ZBTB7C: variants seen among roughly 807,000 people sequenced by gnomAD.
ZBTB7C encodes zinc finger and BTB domain-containing protein 7C.
Under a neutral mutation model 25.7 loss-of-function variants are expected in ZBTB7C, and 8 were observed. The observed-to-expected ratio is 0.31, with a 90% CI of 0.18 to 0.56. The LOEUF (loss-of-function observed/expected upper bound fraction) is 0.56. ZBTB7C is among the 20% of genes least tolerant of loss of function. ZBTB7C has a pLI of 0.91. For synonymous variants in ZBTB7C, 394 were observed against 369.0 expected (o/e 1.07, Z -0.78); for missense variants, 824 against 855.2 (o/e 0.96, Z 0.46).
At chr18:48,187,250 C>A (rs2042078020) in intron 2 of ZBTB7C, among the ~76,000 whole-genome samples, 1 of 152,208 alleles carries the variant, frequency 6.6e-6, no homozygotes, top group Non-Finnish European at 1.5e-5. Flanking sequence ...GGGCAGATAT[C>A]TGTACATCCA....
chr18:48,371,654 G>A (rs780571099), intron 1 of ZBTB7C, among the ~76,000 whole-genome samples: 13 of 152,212 alleles, frequency 8.5e-5, no homozygotes, highest in Non-Finnish European at 1.8e-4. Flanking sequence ...TGAGAGCATG[G>A]CCAGGCACCA....
At chr18:48,126,389 C>T (rs1010957121) in intron 3 of ZBTB7C, among the ~76,000 whole-genome samples, 3 of 152,180 alleles carry the variant, frequency 2.0e-5, no homozygotes, top group African/African-American at 7.2e-5. Context: ...CTCCTCTGTC[C>T]TTATGAGAGC....
intron 1 of ZBTB7C, among the ~76,000 whole-genome samples, chr18:48,407,254 A>G (rs748288820): frequency 1.3e-5 from 2 of 152,252 alleles, no homozygotes; most frequent in Non-Finnish European, 2.9e-5. Flanking sequence ...CTGGCATCCT[A>G]TGGAAAGTGG....
intron 2 of ZBTB7C, among the ~76,000 whole-genome samples, chr18:48,293,232 C>T (rs914900905): frequency 6.6e-6 from 1 of 152,206 alleles, no homozygotes; most frequent in African/African-American, 2.4e-5. Context: ...GGCTGATTTC[C>T]GTTACTGCTC....
intron 2 of ZBTB7C, among the ~76,000 whole-genome samples, chr18:48,232,264 T>C (rs1158478279): frequency 6.6e-6 from 1 of 152,226 alleles, no homozygotes; most frequent in African/African-American, 2.4e-5. Context: ...ACACTGATGA[T>C]TGATGCTAAT....
rs1007378464 is a variant in ZBTB7C at position 48,051,465 on chromosome 18, C to T, written c.-16-10342G>A. Among the ~76,000 whole-genome samples the T allele has an allele frequency of 2.6e-5, 4 of 152,340 alleles. No homozygotes were observed. The South Asian group carries it at 8.3e-4, about 32-fold the overall frequency. ...GATGTGCCAGGACCACTGCCCTCATCCCCTCATCCAAGGGGTGGCTTGGAG... is the reference window on the plus strand; with the variant it reads ...GATGTGCCAGGACCACTGCCCTCATTCCCTCATCCAAGGGGTGGCTTGGAG... On this transcript the variant is annotated intron_variant, in intron 3 of 4. Transcript: ENST00000590800.
intron 3 of ZBTB7C, among the ~76,000 whole-genome samples, chr18:48,153,341 T>C (rs577444123): frequency 1.3e-5 from 2 of 152,198 alleles, no homozygotes; most frequent in South Asian, 4.2e-4. Context: ...TACAAGGAAG[T>C]TTAGAGGATC....
At chr18:48,189,302 A>C (rs2042136989) in intron 2 of ZBTB7C, among the ~76,000 whole-genome samples, 1 of 152,222 alleles carries the variant, frequency 6.6e-6, no homozygotes, top group African/African-American at 2.4e-5. Flanking sequence ...AGGTCATTAG[A>C]GCTAACAGCT....
At chr18:48,391,292 T>C (rs1346296858) in intron 1 of ZBTB7C, among the ~76,000 whole-genome samples, 1 of 152,142 alleles carries the variant, frequency 6.6e-6, no homozygotes, top group Non-Finnish European at 1.5e-5. Flanking sequence ...TCAGTCTTCT[T>C]TATTGTCCAG....
intron 1 of ZBTB7C, among the ~76,000 whole-genome samples, chr18:48,342,356 A>G (rs1401670097): frequency 1.3e-5 from 2 of 152,220 alleles, no homozygotes; most frequent in Non-Finnish European, 2.9e-5. Context: ...TGGCACAAAG[A>G]GTCAGGTTCC....
rs145979122 is a variant in ZBTB7C, at chr18:48,389,602, G to A, written c.-304+19624C>T. On this transcript the variant is annotated intron_variant, in intron 1 of 4. Coordinates refer to ENST00000590800, the MANE Select transcript of ZBTB7C (RefSeq NM_001318841.2). Reference sequence around the variant, plus strand: ...AGGATTTCTCTTGGGTGTTCCCCAGGGTATACTCATAGCCTCACCCTCCAT... The same window carrying A: ...AGGATTTCTCTTGGGTGTTCCCCAGAGTATACTCATAGCCTCACCCTCCAT... Among the ~76,000 whole-genome samples, 1,075 of 151,568 alleles carry A rather than the reference G, an allele frequency of 7.1e-3. 13 individuals carry two copies. The highest frequency in any genetic ancestry group is 0.025 in the African/African-American group (1,026 of 41,240).
At chr18:48,292,499 T>G (rs1365271458) in intron 2 of ZBTB7C, among the ~76,000 whole-genome samples, 3 of 152,236 alleles carry the variant, frequency 2.0e-5, no homozygotes, top group Admixed American at 6.5e-5. Flanking sequence ...TCCCTCCTCC[T>G]GCGCCTGTCC....
intron 3 of ZBTB7C, among the ~76,000 whole-genome samples, chr18:48,092,683 AG>A (rs1210629468): frequency 2.0e-5 from 3 of 152,228 alleles, no homozygotes; most frequent in Non-Finnish European, 4.4e-5. Context: ...AGAAGAATAG[AG>A]GGGGAACCCT....
At chr18:48,072,464 C>T (rs931767323) in intron 3 of ZBTB7C, 1 of 152,246 alleles carries the variant, frequency 6.6e-6, no homozygotes, top group Non-Finnish European at 1.5e-5. Flanking sequence ...GCTCACCTTT[C>T]CCAGGTCGAT....
chr18:48,084,458 T>C (rs1598848479), intron 3 of ZBTB7C, among the ~76,000 whole-genome samples: 1 of 152,188 alleles, frequency 6.6e-6, no homozygotes, highest in African/African-American at 2.4e-5. Context: ...GGCAGGTGGC[T>C]CTTGAGGTCC....
At chr18:48,113,745 T>A in intron 3 of ZBTB7C, among the ~76,000 whole-genome samples, 1 of 152,130 alleles carries the variant, frequency 6.6e-6, no homozygotes, top group Non-Finnish European at 1.5e-5. Context: ...GATGGCAGAG[T>A]CAGGAGAGTC....
At chr18:48,273,982 G>A (rs921244981) in intron 2 of ZBTB7C, among the ~76,000 whole-genome samples, 2 of 152,086 alleles carry the variant, frequency 1.3e-5, no homozygotes, top group Admixed American at 6.5e-5. Context: ...CTATCCAACT[G>A]AGAAACTCAC....
At chr18:48,248,456 C>T (rs1458509209) in intron 2 of ZBTB7C, among the ~76,000 whole-genome samples, 5 of 152,176 alleles carry the variant, frequency 3.3e-5, no homozygotes, top group Non-Finnish European at 7.3e-5. Context: ...CCTTTTGATA[C>T]TGGCCCTCCC....
intron 1 of ZBTB7C, among the ~76,000 whole-genome samples, chr18:48,402,218 T>C (rs1217195360): frequency 6.6e-6 from 1 of 151,316 alleles, no homozygotes; most frequent in Non-Finnish European, 1.5e-5. Flanking sequence ...AATCCAGTGA[T>C]GTGGGTTCAT....
Sources: allele counts gnomAD v4.1 joint callset (sites outside exome capture counted in the v4.1 genomes callset), GRCh38; gene constraint gnomAD v4.1.1; transcripts MANE v1.5; gene names NCBI Gene and HGNC (gene_info 2026-07-23, HGNC 2026-07-21).